Variants in RPF2 observed in about 807,000 individuals in gnomAD.
RPF2 encodes brix domain containing 1.
In RPF2, 21 loss-of-function variants were observed where a neutral mutation model predicts 38.9. The observed-to-expected ratio is 0.54, with a 90% confidence interval of 0.38 to 0.78. The LOEUF is 0.78. Among genes scored for constraint, RPF2 ranks in the 30% least tolerant of loss-of-function variants. The pLI, the probability that RPF2 is intolerant of heterozygous loss-of-function variation, is 0.00. For missense variants in RPF2, 314 were observed against 358.1 expected (o/e 0.88, Z 0.99); for synonymous variants, 121 against 126.2 (o/e 0.96, Z 0.28).
intron 7 of RPF2, among the ~76,000 whole-genome samples, chr6:111,015,070 G>A (rs980569500): frequency 2.0e-5 from 3 of 152,208 alleles, no homozygotes; most frequent in African/African-American, 4.8e-5. Context: ...GAGCCACTGT[G>A]CATGGCTGAC....
At chr6:111,004,933 A>AT (rs112243452) in intron 6 of RPF2, among the ~76,000 whole-genome samples, 161 of 145,986 alleles carry the variant, frequency 1.1e-3, no homozygotes, top group South Asian at 6.7e-3. Context: ...ACAACTTCAA[A>AT]TTTTTTTTTT....
intron 4 of RPF2, among the ~76,000 whole-genome samples, chr6:110,994,818 A>G (rs1771684856): frequency 1.3e-5 from 2 of 151,476 alleles, no homozygotes; most frequent in Non-Finnish European, 2.9e-5. Context: ...GGGGTGTTTT[A>G]TGGAAAGCTT....
intron 1 of RPF2, among the ~76,000 whole-genome samples, chr6:110,984,343 A>G (rs892306400): frequency 6.6e-6 from 1 of 152,154 alleles, no homozygotes. Flanking sequence ...AAGTTTGAAG[A>G]AAAAAGAAGA....
intron 1 of RPF2, among the ~76,000 whole-genome samples, chr6:110,984,364 GT>G (rs1771486575): frequency 6.6e-6 from 1 of 151,460 alleles, no homozygotes; most frequent in Non-Finnish European, 1.5e-5. Context: ...GTAAGAAAGA[GT>G]AAGAGAAAAA....
intron 6 of RPF2, among the ~76,000 whole-genome samples, chr6:111,002,735 T>C (rs1386458758): frequency 6.6e-6 from 1 of 152,066 alleles, no homozygotes; most frequent in African/African-American, 2.4e-5. Context: ...TGTGCTTACA[T>C]TGGCAATTCC....
chr6:111,009,170 C>G (rs963195448), intron 7 of RPF2, among the ~76,000 whole-genome samples: 1 of 152,158 alleles, frequency 6.6e-6, no homozygotes, highest in Non-Finnish European at 1.5e-5. Flanking sequence ...GTTCTCCTTC[C>G]TCAGCCTCCC....
At position 110,988,343 on chromosome 6, in the gene RPF2, A is replaced by G. The variant is rs1472750991; in HGVS notation, c.157-685A>G. Among the ~76,000 whole-genome samples, 4 of 152,112 alleles carry G rather than the reference A, an allele frequency of 2.6e-5. No homozygotes were observed. In the East Asian group the frequency reaches 7.7e-4, roughly 29 times the overall value. ...TAGTATTCTAATTGTCATCATTATT[A>G]CTGTTTCTAAGTTTTCTGATCTCCA... On this transcript the variant is annotated intron_variant, in intron 2 of 9. Coordinates refer to ENST00000441448, the MANE Select transcript of RPF2 (RefSeq NM_032194.3).
chr6:111,000,134 C>T (rs145275164), intron 6 of RPF2, among the ~76,000 whole-genome samples: 3,760 of 151,884 alleles, frequency 0.025, 134 homozygotes, highest in African/African-American at 0.088. Flanking sequence ...GAGACAGGGT[C>T]TCACTCTGTC....
rs1313053494 is a variant in RPF2 at position 111,025,520 on chromosome 6, C to T, written c.859C>T (p.Arg287Ter). The change falls in exon 10 of 10, where the codon CGA (arginine) becomes TGA (stop). Residue 287 changes from arginine (R) to a stop codon, truncating the protein, a stop_gained. Coordinates refer to ENST00000441448, the MANE Select transcript of RPF2 (RefSeq NM_032194.3). LOFTEE classifies it high-confidence loss of function. ...QTRKMKGLKK[R>*]PAERITEDHE... ...CAGGAAAATGAAGGGGTTGAAGAAG[C>T]GACCTGCAGAAAGGATAACAGAAGA... The T allele has an allele frequency of 5.6e-6, 9 of 1,613,038 alleles. No homozygotes were observed. Among genetic ancestry groups the T allele is most frequent in the East Asian group, 4.5e-5 (2 of 44,848 alleles).
chr6:111,016,593 G>GAAA (rs1437504815), intron 8 of RPF2, among the ~76,000 whole-genome samples: 3,992 of 140,644 alleles, frequency 0.028, 94 homozygotes, highest in Middle Eastern at 0.059. Context: ...TGAGGGCGCT[G>GAAA]AAAAAACAAA....
At chr6:110,988,165 T>C (rs1347532150) in intron 2 of RPF2, among the ~76,000 whole-genome samples, 1 of 151,902 alleles carries the variant, frequency 6.6e-6, no homozygotes, top group Non-Finnish European at 1.5e-5. Context: ...ATCACGCCAT[T>C]GCACTCCAGC....
chr6:110,982,347 G>A (rs906519583), intron 1 of RPF2: 17 of 604,358 alleles, frequency 2.8e-5, no homozygotes, highest in Middle Eastern at 4.1e-4. Context: ...AGGGATGTGG[G>A]ATTGAAGCGT....
Position 110,990,565 on chromosome 6 carries a change from C to G in RPF2, c.195-1182C>G, listed in dbSNP as rs999860214. Among the ~76,000 whole-genome samples, 4 of 130,554 alleles carry G rather than the reference C, an allele frequency of 3.1e-5. No homozygotes were observed. The East Asian group carries it at 9.3e-4, about 30-fold the overall frequency. The allele number at this position is 130,554 out of a possible 152,430, so 85.6% of individuals were successfully genotyped here. ...TTCTGTTTGGCAATTGGGAACCCCC[C>G]CCCCCCCCACCTTTTCTTTTGTTTG... On this transcript the variant is annotated intron_variant, in intron 3 of 9. Coordinates refer to ENST00000441448, the MANE Select transcript of RPF2 (RefSeq NM_032194.3).
chr6:111,008,267 C>A, intron 7 of RPF2, 130 bp downstream of exon 7: 4 of 1,032,838 alleles, frequency 3.9e-6, no homozygotes, highest in Non-Finnish European at 2.5e-6. Flanking sequence ...TATTTATATA[C>A]TTAAAATAAT....
intron 8 of RPF2, among the ~76,000 whole-genome samples, chr6:111,023,954 C>A (rs973587598): frequency 1.3e-5 from 2 of 151,670 alleles, no homozygotes; most frequent in Non-Finnish European, 2.9e-5. Context: ...CGCCACTGCA[C>A]TCCAGCCTGG....
chr6:110,982,621 GTAGAAATGTTCAT>G (rs1265527291), intron 1 of RPF2: 1 of 155,004 alleles, frequency 6.5e-6, no homozygotes, highest in Non-Finnish European at 1.4e-5. Flanking sequence ...GCTGCAGCAC[GTAGAAATGTTCAT>G]TAGTTTTTTC....
Position 111,018,199 on chromosome 6 carries a change from C to T in RPF2, c.596+2343C>T, listed in dbSNP as rs544247515. Reference sequence around the variant, plus strand: ...CTTCGGCTCGGCATCAGGGGGAGACCGGGGAGGGGGAGGGGGAGGGAGAGG... The same window carrying T: ...CTTCGGCTCGGCATCAGGGGGAGACTGGGGAGGGGGAGGGGGAGGGAGAGG... On this transcript the variant is annotated intron_variant, in intron 8 of 9. Coordinates refer to ENST00000441448, the MANE Select transcript of RPF2 (RefSeq NM_032194.3). Among the ~76,000 whole-genome samples, 256 of 41,184 alleles carry T rather than the reference C, an allele frequency of 6.2e-3. 2 individuals carry two copies. The highest frequency in any genetic ancestry group is 0.012 in the Non-Finnish European group (201 of 17,416). 27.0% of individuals were successfully genotyped at this position (41,184 alleles called of 152,430 possible). A position where few individuals can be genotyped will look rare whatever the true frequency, so the allele number is the denominator to read the frequency against.
intron 6 of RPF2, among the ~76,000 whole-genome samples, chr6:111,001,171 C>T (rs1212300174): frequency 6.6e-6 from 1 of 152,134 alleles, no homozygotes; most frequent in African/African-American, 2.4e-5. Flanking sequence ...CCTGTCTTGG[C>T]TATTTAGATG....
rs927800757 is a variant in RPF2 at position 111,024,234 on chromosome 6, G to A, written c.648G>A (p.Glu216=). 17 of 1,611,660 alleles carry A rather than the reference G, an allele frequency of 1.1e-5. No individual in the cohort carries two copies. The highest frequency in any genetic ancestry group is 1.4e-5 in the Non-Finnish European group (17 of 1,179,812). The change falls in exon 9 of 10, where the codon GAG becomes GAA. Residue 216 remains glutamate (E), a synonymous_variant. Transcript: ENST00000441448. The part of the protein sequence containing the change: ...GCRTPRIELE[E]MGPSLDLVLR... ...GAACACCACGGATTGAATTGGAAGA[G>A]ATGGGACCCTCATTGGATCTGGTTC...
Sources: allele counts gnomAD v4.1 joint callset (sites outside exome capture counted in the v4.1 genomes callset), GRCh38; gene constraint gnomAD v4.1.1; transcripts MANE v1.5; gene names NCBI Gene and HGNC (gene_info 2026-07-23, HGNC 2026-07-21).